The following SLC39A11 variants were observed in gnomAD, a reference collection of about 807,000 sequenced individuals.
SLC39A11 encodes solute carrier family 39 member 11.
SLC39A11 carries 33 observed loss-of-function variants against 36.1 expected under a neutral mutation model. That is an observed-to-expected ratio of 0.91 (90% CI 0.69 to 1.22). The LOEUF is 1.22. Ranked by LOEUF, SLC39A11 falls within the 50% of genes most tolerant of loss-of-function variation. SLC39A11 has a pLI of 0.00. For missense variants in SLC39A11, 432 were observed against 430.3 expected, an observed-to-expected ratio of 1.00 and a Z score of -0.03; for synonymous variants, 166 against 170.3, an observed-to-expected ratio of 0.97 and a Z score of 0.20.
chr17:73,074,549 G>A (rs1450848390), intron 3 of SLC39A11, among the ~76,000 whole-genome samples: 15 of 152,018 alleles, frequency 9.9e-5, no homozygotes, highest in African/African-American at 2.9e-4. Flanking sequence ...CACCCACCTC[G>A]GCTTCCCAAA....
intron 5 of SLC39A11, among the ~76,000 whole-genome samples, chr17:72,928,581 T>C (rs1198799544): frequency 6.6e-6 from 1 of 152,070 alleles, no homozygotes; most frequent in Non-Finnish European, 1.5e-5. Context: ...CCAGGAAGTG[T>C]AGGCTGTGGC....
chr17:72,727,982 T>C (rs1213699125), intron 7 of SLC39A11, among the ~76,000 whole-genome samples: 1 of 152,180 alleles, frequency 6.6e-6, no homozygotes, highest in Non-Finnish European at 1.5e-5. Context: ...TTCCTTTTCT[T>C]GTGGGTGGCT....
chr17:73,052,197 C>T (rs1206946869), intron 3 of SLC39A11, among the ~76,000 whole-genome samples: 1 of 151,426 alleles, frequency 6.6e-6, no homozygotes, highest in Non-Finnish European at 1.5e-5. Context: ...AAGAAGAAAG[C>T]CTCTCAGAGG....
rs35729985 is a variant in SLC39A11 at position 73,085,642 on chromosome 17, C to CAA, written c.109-798_109-797dup. 6.6e-3 allele frequency among the ~76,000 whole-genome samples: 669 copies of CAA among 101,806 alleles called. 8 individuals are homozygous for CAA. Among genetic ancestry groups the CAA allele is most frequent in the East Asian group, 0.011 (35 of 3,260 alleles). The allele number at this position is 101,806 out of a possible 152,430, so 66.8% of individuals were successfully genotyped here. A position where few individuals can be genotyped will look rare whatever the true frequency, so the allele number is the denominator to read the frequency against. ...AGGCAACAAGAGCAAAACTCCGCCT[C>CAA]AAAAAAAAAAAAAAAAAAAACCCTC... On this transcript the variant is annotated intron_variant, in intron 2 of 9. Transcript: ENST00000255559.
intron 6 of SLC39A11, among the ~76,000 whole-genome samples, chr17:72,841,917 A>AG (rs1005902411): frequency 2.9e-4 from 44 of 151,576 alleles, no homozygotes; most frequent in African/African-American, 9.4e-4. Context: ...CAAAAAAAAA[A>AG]AGAAATTAGC....
At chr17:73,009,012 C>T (rs978215387) in intron 4 of SLC39A11, among the ~76,000 whole-genome samples, 1 of 142,964 alleles carries the variant, frequency 7.0e-6, no homozygotes, top group Non-Finnish European at 1.5e-5. Flanking sequence ...CAGTGAGCTG[C>T]CATTGCAATG....
intron 4 of SLC39A11, among the ~76,000 whole-genome samples, chr17:72,993,715 T>C (rs1347464791): frequency 1.3e-5 from 2 of 152,220 alleles, no homozygotes; most frequent in Non-Finnish European, 2.9e-5. Flanking sequence ...CACACTGTTG[T>C]AATTACCAAA....
At chr17:73,020,803 C>G (rs2058323421) in intron 4 of SLC39A11, among the ~76,000 whole-genome samples, 1 of 150,898 alleles carries the variant, frequency 6.6e-6, no homozygotes, top group Non-Finnish European at 1.5e-5. Context: ...CTGCCCCAGC[C>G]TCCCGAGTAG....
At chr17:72,922,327 T>G (rs962203081) in intron 5 of SLC39A11, among the ~76,000 whole-genome samples, 1 of 152,204 alleles carries the variant, frequency 6.6e-6, no homozygotes, top group Non-Finnish European at 1.5e-5. Flanking sequence ...CTCACTTCAA[T>G]AAACTACTTA....
At chr17:72,909,901 A>G (rs959319837) in intron 5 of SLC39A11, among the ~76,000 whole-genome samples, 17 of 150,302 alleles carry the variant, frequency 1.1e-4, no homozygotes, top group Non-Finnish European at 3.0e-5. Flanking sequence ...GCCCGCCATT[A>G]CGCCCGGCTA....
chr17:73,084,910 GA>G, intron 2 of SLC39A11, 64 bp from the exon 3 acceptor site: 1 of 1,565,424 alleles, frequency 6.4e-7, no homozygotes, highest in Non-Finnish European at 8.8e-7. Context: ...CCTGGGACAA[GA>G]AGAAACCATA....
intron 5 of SLC39A11, among the ~76,000 whole-genome samples, chr17:72,898,738 T>C (rs1016390521): frequency 6.6e-6 from 1 of 152,264 alleles, no homozygotes; most frequent in African/African-American, 2.4e-5. Context: ...ATTCATACAT[T>C]ATGCAAAATG....
chr17:72,885,510 C>A (rs1464488534), intron 5 of SLC39A11, among the ~76,000 whole-genome samples: 1 of 152,134 alleles, frequency 6.6e-6, no homozygotes, highest in Admixed American at 6.5e-5. Context: ...ATCTGCCTCA[C>A]CTCCAATGAA....
chr17:73,061,714 G>A (rs1055932384), intron 3 of SLC39A11, among the ~76,000 whole-genome samples: 1 of 152,176 alleles, frequency 6.6e-6, no homozygotes, highest in African/African-American at 2.4e-5. Context: ...GTTCTGTGCA[G>A]GCTGGGCAAG....
rs537152266 is a variant in SLC39A11 at position 72,762,128 on chromosome 17, G to A, written c.602-25409C>T. 7.2e-5 allele frequency among the ~76,000 whole-genome samples: 11 copies of A among 152,340 alleles called. No homozygotes were observed. In the South Asian group the frequency reaches 2.3e-3, roughly 32 times the overall value. On this transcript the variant is annotated intron_variant, in intron 6 of 9. Coordinates refer to ENST00000255559, the MANE Select transcript of SLC39A11 (RefSeq NM_139177.4). ...AGCAACTCCATCTTGAATAGGGGCT[G>A]CGTAAAATGAGGATGAGACCTACTG...
intron 3 of SLC39A11, among the ~76,000 whole-genome samples, chr17:73,076,572 C>T (rs988582103): frequency 1.3e-5 from 2 of 152,062 alleles, no homozygotes; most frequent in African/African-American, 2.4e-5. Flanking sequence ...AATGGGACCC[C>T]GGTCAACTAT....
intron 4 of SLC39A11, among the ~76,000 whole-genome samples, chr17:72,951,079 T>C (rs139398342): frequency 0.011 from 1,558 of 144,974 alleles, 23 homozygotes; most frequent in Non-Finnish European, 0.014. Flanking sequence ...CTAGGCAACA[T>C]AGTGAGGCCC....
In SLC39A11 at chr17:72,736,117, C is replaced by T. The variant is rs143470092; in HGVS notation, c.671+533G>A. Among the ~76,000 whole-genome samples, 89 of 152,214 alleles carry T rather than the reference C, an allele frequency of 5.8e-4. 1 individual carries two copies. The East Asian group carries it at 8.1e-3, about 14-fold the overall frequency. On this transcript the variant is annotated intron_variant, in intron 7 of 9. Coordinates refer to ENST00000255559, the MANE Select transcript of SLC39A11 (RefSeq NM_139177.4). The stretch of plus-strand genomic sequence containing the variant: ...CACATGGAAAATAAAGTCACAAGGA[C>T]GGAGAAGATTGCCCAGAAATGGTGT...
intron 5 of SLC39A11, among the ~76,000 whole-genome samples, chr17:72,909,116 T>G (rs1319515288): frequency 6.6e-6 from 1 of 152,206 alleles, no homozygotes; most frequent in Admixed American, 6.5e-5. Flanking sequence ...GTTTTGTTGT[T>G]TTTTGGGAGT....
Sources: allele counts gnomAD v4.1 joint callset (sites outside exome capture counted in the v4.1 genomes callset), GRCh38; gene constraint gnomAD v4.1.1; transcripts MANE v1.5; gene names NCBI Gene and HGNC (gene_info 2026-07-23, HGNC 2026-07-21).